DNAH8: variants seen among roughly 807,000 people sequenced by gnomAD.
DNAH8 encodes dynein axonemal heavy chain 8.
DNAH8 carries 382 observed loss-of-function variants against 562.1 expected under a neutral mutation model. The observed-to-expected ratio is 0.68, with a 90% CI of 0.63 to 0.74. The LOEUF is 0.74. Among genes scored for constraint, DNAH8 ranks in the 30% least tolerant of loss-of-function variants. DNAH8 has a pLI of 0.00. For synonymous variants in DNAH8, 1,881 were observed against 1,919.4 expected, an observed-to-expected ratio of 0.98 and a Z score of 0.52; for missense variants, 5,203 against 5,620.4, an observed-to-expected ratio of 0.93 and a Z score of 2.37.
rs1783596683 is a variant in DNAH8, at chr6:38,943,160, TGAACA to T, written c.12008-2300_12008-2296del. Among the ~76,000 whole-genome samples the T allele has an allele frequency of 2.0e-5, 3 of 152,316 alleles. No individual in the cohort carries two copies. In the South Asian group the frequency reaches 6.2e-4, roughly 32 times the overall value. On this transcript the variant is annotated intron_variant, in intron 79 of 92. Transcript: ENST00000327475. ...ATGTTTTATGAGCAGGGATGTGGCA[TGAACA>T]GAACAGTGCTTTAAGAAGATTAATT...
chr6:38,833,988 T>G (rs1774072700), intron 31 of DNAH8, among the ~76,000 whole-genome samples: 1 of 152,214 alleles, frequency 6.6e-6, no homozygotes, highest in African/African-American at 2.4e-5. Flanking sequence ...TTGCTTATTT[T>G]GGGGAGTGTT....
At chr6:38,787,730 G>A (rs913200807) in intron 18 of DNAH8, among the ~76,000 whole-genome samples, 4 of 147,748 alleles carry the variant, frequency 2.7e-5, no homozygotes, top group Non-Finnish European at 5.9e-5. Context: ...TGCCATCAAA[G>A]GTTGATGATT....
chr6:38,732,263 A>G (rs1763714088), intron 4 of DNAH8, among the ~76,000 whole-genome samples: 1 of 152,158 alleles, frequency 6.6e-6, no homozygotes, highest in African/African-American at 2.4e-5. Context: ...TCTCCTCTTC[A>G]TCAGGAAAAC....
chr6:38,906,507 A>C, intron 63 of DNAH8, 100 bp downstream of exon 63: 1 of 994,390 alleles, frequency 1.0e-6, no homozygotes, highest in East Asian at 2.8e-5. Flanking sequence ...TATTTAGTAC[A>C]TTTTTTATTT....
At chr6:38,961,504 G>A (rs1210188774) in intron 82 of DNAH8, among the ~76,000 whole-genome samples, 1 of 151,818 alleles carries the variant, frequency 6.6e-6, no homozygotes. Context: ...AAATAATAAC[G>A]TGCCTTCACC....
intron 82 of DNAH8, among the ~76,000 whole-genome samples, chr6:38,969,249 T>C (rs1459186111): frequency 6.6e-6 from 1 of 152,226 alleles, no homozygotes; most frequent in African/African-American, 2.4e-5. Context: ...ATACACTTTA[T>C]AATGAAGTAT....
At chr6:38,777,361 G>T (rs1286930116) in intron 13 of DNAH8, among the ~76,000 whole-genome samples, 1 of 152,014 alleles carries the variant, frequency 6.6e-6, no homozygotes, top group Non-Finnish European at 1.5e-5. Context: ...TCAAATTTTA[G>T]CTTTCAGTAA....
rs1769206355 is a variant in DNAH8 at position 38,786,879 on chromosome 6, T to C, written c.2510T>C (p.Leu837Ser). ...RETKCMIKMKLDVPEQAKRLL... is the reference protein window; with the variant it reads ...RETKCMIKMKSDVPEQAKRLL... ...ACTAAGTGTATGATAAAAATGAAGT[T>C]GGATGTACCAGAACAGGCAAAGAGA... Residue 837 changes from leucine to serine, a missense_variant, in exon 18 of 93, where the codon TTG (leucine) becomes TCG (serine). This residue lies in a region of DNAH8 where 2,176 missense variants were observed against 2,365.1 expected (regional missense o/e 0.92). Coordinates refer to ENST00000327475, the MANE Select transcript of DNAH8 (RefSeq NM_001206927.2). 1 of 1,613,590 alleles carries C rather than the reference T, an allele frequency of 6.2e-7. No homozygotes were observed. Among genetic ancestry groups the C allele is most frequent in the East Asian group, 2.2e-5 (1 of 44,848 alleles).
intron 1 of DNAH8, among the ~76,000 whole-genome samples, chr6:38,718,829 G>T (rs990643104): frequency 2.0e-5 from 3 of 152,128 alleles, no homozygotes; most frequent in East Asian, 1.9e-4. Context: ...TTGGAAGAAT[G>T]AATATGATAT....
At chr6:38,791,723 A>G (rs541177351) in intron 21 of DNAH8, 49 bp downstream of exon 21, 13 of 1,578,190 alleles carry the variant, frequency 8.2e-6, no homozygotes, top group Non-Finnish European at 1.1e-5. Flanking sequence ...TGGCCTATAA[A>G]CCTAAAATGT....
intron 31 of DNAH8, 32 bp from the exon 32 acceptor site, chr6:38,834,547 A>G: frequency 7.0e-7 from 1 of 1,433,362 alleles, no homozygotes; most frequent in Non-Finnish European, 9.6e-7. Context: ...TATGATTAAG[A>G]ATGAAAATGG....
rs538513319 is a variant in DNAH8 at position 38,863,038 on chromosome 6, T to C, written c.6310+580T>C. Among the ~76,000 whole-genome samples, 614 of 152,282 alleles carry C rather than the reference T, an allele frequency of 4.0e-3. 4 individuals carry two copies. Among genetic ancestry groups the C allele is most frequent in the Middle Eastern group, 0.02 (6 of 294 alleles). On this transcript the variant is annotated intron_variant, in intron 44 of 92. Coordinates refer to ENST00000327475, the MANE Select transcript of DNAH8 (RefSeq NM_001206927.2). ...GCCATCTGTATGATGACTCCAGAAT[T>C]ATATCTCTAGCTCGGACTTCTTGAA... is the stretch of plus-strand genomic sequence containing the variant.
At chr6:39,003,110 G>A (rs1203690221) in intron 88 of DNAH8, among the ~76,000 whole-genome samples, 3 of 152,152 alleles carry the variant, frequency 2.0e-5, no homozygotes, top group Admixed American at 1.3e-4. Context: ...TTTTTCATAA[G>A]CAAAGAAGCC....
intron 30 of DNAH8, among the ~76,000 whole-genome samples, chr6:38,829,745 C>G (rs1235906495): frequency 6.6e-6 from 1 of 152,128 alleles, no homozygotes; most frequent in Non-Finnish European, 1.5e-5. Context: ...TAGCTTTGTG[C>G]TAAGCTTTAA....
rs1320341705 is a variant in DNAH8, at chr6:39,030,288, A to G, written c.14020A>G (p.Arg4674Gly). 1.2e-6 allele frequency: 2 copies of G among 1,614,044 alleles called. No homozygotes were observed. The highest frequency in any genetic ancestry group is 1.3e-5 in the African/African-American group (1 of 74,920). The change falls in exon 93 of 93, where the codon AGG becomes GGG. Residue 4674 changes from arginine to glycine, a missense_variant. Arg to Gly is a moderately radical substitution (Grantham distance 125). This residue lies in a region of DNAH8 where 1,399 missense variants were observed against 1,518.4 expected (regional missense o/e 0.92). Coordinates refer to ENST00000327475, the MANE Select transcript of DNAH8 (RefSeq NM_001206927.2). ...TGTGTGTCCTATTTACAAGAAACCC[A>G]GGCGAACTGATTTGACCTTCATCAC... ...LYVCPIYKKPRRTDLTFITVV... is the reference protein window; with the variant it reads ...LYVCPIYKKPGRTDLTFITVV...
At chr6:38,930,569 G>A (rs192635039) in intron 75 of DNAH8, among the ~76,000 whole-genome samples, 31 of 152,118 alleles carry the variant, frequency 2.0e-4, no homozygotes, top group African/African-American at 6.7e-4. Context: ...TAAATAAAAC[G>A]CAGTTAGTGT....
At chr6:39,028,745 T>C (rs1767464801) in intron 92 of DNAH8, among the ~76,000 whole-genome samples, 1 of 152,212 alleles carries the variant, frequency 6.6e-6, no homozygotes, top group Non-Finnish European at 1.5e-5. Flanking sequence ...ATATGATGGC[T>C]TTTAAGTGGT....
intron 8 of DNAH8, among the ~76,000 whole-genome samples, chr6:38,742,125 A>G (rs904817902): frequency 6.6e-6 from 1 of 152,166 alleles, no homozygotes; most frequent in Non-Finnish European, 1.5e-5. Flanking sequence ...GAAAGTGATC[A>G]TCTTTTATTT....
chr6:38,860,735 G>A, intron 43 of DNAH8, 106 bp downstream of exon 43: 1 of 772,852 alleles, frequency 1.3e-6, no homozygotes, highest in Non-Finnish European at 1.9e-6. Flanking sequence ...TGTCATGCTG[G>A]GTAGATGCTA....
Sources: gnomAD v4.1 joint callset for allele counts (sites outside exome capture counted in the v4.1 genomes callset) on GRCh38, gnomAD v4.1.1 for gene constraint, gnomAD v4.1.1 regional missense constraint, MANE v1.5 for transcripts, NCBI Gene and HGNC (gene_info 2026-07-23, HGNC 2026-07-21) for gene names.